The following ELMO1 variants were observed in gnomAD, a reference collection of about 807,000 sequenced individuals.
ELMO1 encodes engulfment and cell motility protein 1.
ELMO1 carries 26 observed loss-of-function variants against 98.9 expected under a neutral mutation model. The observed-to-expected ratio is 0.26, with a 90% confidence interval of 0.19 to 0.36. ELMO1 has a LOEUF of 0.36. Among genes scored for constraint, ELMO1 ranks in the 10% least tolerant of loss-of-function variants. ELMO1 has a pLI of 1.00. For synonymous variants in ELMO1, 346 were observed against 346.0 expected, an observed-to-expected ratio of 1.00 and a Z score of 0.00; for missense variants, 627 against 935.2, an observed-to-expected ratio of 0.67 and a Z score of 4.30.
intron 4 of ELMO1, among the ~76,000 whole-genome samples, chr7:37,274,019 T>A (rs569450357): frequency 6.6e-6 from 1 of 152,212 alleles, no homozygotes; most frequent in South Asian, 2.1e-4. Context: ...CACCACCAGA[T>A]CCAGGCCCTA....
At chr7:37,421,858 G>A (rs1010300740) in intron 1 of ELMO1, among the ~76,000 whole-genome samples, 2 of 152,180 alleles carry the variant, frequency 1.3e-5, no homozygotes, top group East Asian at 3.9e-4. Flanking sequence ...TGGCCCCTCT[G>A]CTTGGAGTTT....
At chr7:36,972,982 T>C (rs747581558) in intron 16 of ELMO1, among the ~76,000 whole-genome samples, 21 of 152,186 alleles carry the variant, frequency 1.4e-4, no homozygotes, top group Admixed American at 3.9e-4. Context: ...GGTTTTGCCA[T>C]GTTGACCAGG....
chr7:37,175,842 G>A (rs780724546), intron 13 of ELMO1, among the ~76,000 whole-genome samples: 4 of 151,908 alleles, frequency 2.6e-5, no homozygotes, highest in South Asian at 4.2e-4. Flanking sequence ...GTGAGATTCT[G>A]TCTCAAAGAA....
At chr7:37,274,060 C>T (rs2130867647) in intron 4 of ELMO1, among the ~76,000 whole-genome samples, 1 of 152,238 alleles carries the variant, frequency 6.6e-6, no homozygotes, top group South Asian at 2.1e-4. Flanking sequence ...GTAGAGCATC[C>T]CCTGATGCAC....
At chr7:36,867,109 G>T (rs2129037689) in intron 20 of ELMO1, among the ~76,000 whole-genome samples, 1 of 152,154 alleles carries the variant, frequency 6.6e-6, no homozygotes, top group African/African-American at 2.4e-5. Flanking sequence ...TAGAAATACG[G>T]GCCAGTGAGT....
intron 20 of ELMO1, among the ~76,000 whole-genome samples, chr7:36,869,399 G>A (rs1193869382): frequency 2.0e-5 from 3 of 152,176 alleles, no homozygotes; most frequent in Non-Finnish European, 4.4e-5. Flanking sequence ...GGGCCATCCT[G>A]CAAAGAACTG....
At chr7:37,371,624 G>C (rs1486616683) in intron 1 of ELMO1, among the ~76,000 whole-genome samples, 2 of 152,160 alleles carry the variant, frequency 1.3e-5, no homozygotes, top group African/African-American at 4.8e-5. Context: ...CAATCTAGAG[G>C]AATCTAGGAT....
At chr7:37,130,692 G>T (rs1437950079) in intron 14 of ELMO1, among the ~76,000 whole-genome samples, 3 of 152,130 alleles carry the variant, frequency 2.0e-5, no homozygotes, top group Non-Finnish European at 4.4e-5. Flanking sequence ...GAAAGTGGGT[G>T]AGGGACCATG....
chr7:36,852,967 CACG>C lies in ELMO1; in HGVS notation c.*2581_*2583del, dbSNP rs1237234484. On this transcript the variant is annotated 3_prime_UTR_variant, in exon 22 of 22. Coordinates refer to ENST00000310758, the MANE Select transcript of ELMO1 (RefSeq NM_014800.11). ...GAATAGCAGAATGCAACTTGGACTT[CACG>C]ACAACATCAGTCTTCCTACTTTACT... 6.6e-6 allele frequency among the ~76,000 whole-genome samples: 1 copy of C among 152,194 alleles called. No individual in the cohort carries two copies. The highest frequency in any genetic ancestry group is 2.4e-5 in the African/African-American group (1 of 41,446).
At chr7:37,132,326 CAT>C (rs1176807400) in intron 14 of ELMO1, among the ~76,000 whole-genome samples, 1 of 152,220 alleles carries the variant, frequency 6.6e-6, no homozygotes, top group East Asian at 1.9e-4. Context: ...TCTAAGCTTA[CAT>C]CTAGTCATCA....
At chr7:37,363,412 A>G (rs1390604416) in intron 1 of ELMO1, among the ~76,000 whole-genome samples, 1 of 152,090 alleles carries the variant, frequency 6.6e-6, no homozygotes, top group Non-Finnish European at 1.5e-5. Context: ...GCTCAAATCC[A>G]AAGTCTTTAA....
chr7:37,242,396 A>T (rs977346598), intron 7 of ELMO1, among the ~76,000 whole-genome samples: 5 of 152,180 alleles, frequency 3.3e-5, no homozygotes, highest in South Asian at 2.1e-4. Flanking sequence ...AAAAGTTTTT[A>T]AAAAACCTTC....
chr7:37,229,283 G>GC (rs931603919), intron 8 of ELMO1, among the ~76,000 whole-genome samples: 4 of 151,242 alleles, frequency 2.6e-5, no homozygotes, highest in African/African-American at 9.7e-5. Context: ...AACACCTAAA[G>GC]TTTTTTTTTC....
intron 14 of ELMO1, among the ~76,000 whole-genome samples, chr7:37,124,625 A>G (rs1046085510): frequency 3.6e-4 from 55 of 152,280 alleles, no homozygotes; most frequent in African/African-American, 1.1e-3. Context: ...ACTGCTCAAC[A>G]AAATAAAAGA....
intron 15 of ELMO1, among the ~76,000 whole-genome samples, chr7:37,064,770 TC>T (rs1289187694): frequency 2.0e-5 from 3 of 152,142 alleles, no homozygotes; most frequent in Non-Finnish European, 4.4e-5. Context: ...GAGACTAGGC[TC>T]CATCAGTGTC....
At chr7:37,187,517 G>C (rs1791285876) in intron 13 of ELMO1, among the ~76,000 whole-genome samples, 1 of 152,102 alleles carries the variant, frequency 6.6e-6, no homozygotes, top group Admixed American at 6.5e-5. Context: ...TTTTGTAAAA[G>C]TGATTAAATA....
At chr7:37,115,753 G>GAA (rs200879941) in intron 14 of ELMO1, among the ~76,000 whole-genome samples, 1 of 108,754 alleles carries the variant, frequency 9.2e-6, no homozygotes. Flanking sequence ...AGTGCAATAA[G>GAA]AAAAAAAAAA....
chr7:36,928,326 T>C (rs1457117656), intron 16 of ELMO1, among the ~76,000 whole-genome samples: 1 of 152,198 alleles, frequency 6.6e-6, no homozygotes, highest in Non-Finnish European at 1.5e-5. Context: ...CAACAGGGCC[T>C]TGACGGCAAT....
At chr7:37,268,396 G>A (rs1449182316) in intron 5 of ELMO1, among the ~76,000 whole-genome samples, 2 of 152,146 alleles carry the variant, frequency 1.3e-5, no homozygotes, top group East Asian at 3.8e-4. Flanking sequence ...CCGCCTCCTG[G>A]GTTCAAGCAA....
Sources: gnomAD v4.1 joint callset for allele counts (sites outside exome capture counted in the v4.1 genomes callset) on GRCh38, gnomAD v4.1.1 for gene constraint, MANE v1.5 for transcripts, NCBI Gene and HGNC (gene_info 2026-07-23, HGNC 2026-07-21) for gene names.